The following HYDIN variants were observed in gnomAD, a reference collection of about 807,000 sequenced individuals.
HYDIN encodes axonemal central pair apparatus protein HYDIN.
A neutral mutation model predicts 403.9 loss-of-function variants in HYDIN; 132 were observed. The observed-to-expected ratio is 0.33, with a 90% CI of 0.28 to 0.38. The LOEUF is 0.38. Ranked by LOEUF, HYDIN falls within the 10% of genes least tolerant of loss-of-function variation. HYDIN has a pLI of 1.00. For synonymous variants in HYDIN, 1,202 were observed against 1,891.7 expected, an observed-to-expected ratio of 0.64 and a Z score of 9.46; for missense variants, 2,827 against 5,009.5, an observed-to-expected ratio of 0.56 and a Z score of 13.15.
At chr16:70,810,243 G>A (rs565296627) in intron 84 of HYDIN, among the ~76,000 whole-genome samples, 6 of 152,254 alleles carry the variant, frequency 3.9e-5, no homozygotes, top group African/African-American at 1.2e-4. Context: ...CTAAGTGCAG[G>A]TGCTGGACTG....
chr16:71,032,119 C>A (rs1356804531), intron 18 of HYDIN, among the ~76,000 whole-genome samples: 2 of 151,554 alleles, frequency 1.3e-5, no homozygotes, highest in Non-Finnish European at 2.9e-5. Flanking sequence ...AGCAAACCTA[C>A]GATTTTACTT....
intron 43 of HYDIN, among the ~76,000 whole-genome samples, chr16:70,939,321 C>A (rs7188072): frequency 0.014 from 2,103 of 152,300 alleles, 24 homozygotes; most frequent in African/African-American, 0.048. Flanking sequence ...AGTCATCAAG[C>A]CTCCAGCTGC....
intron 47 of HYDIN, among the ~76,000 whole-genome samples, chr16:70,914,089 T>TTTAAGTAA (rs2076770281): frequency 6.6e-6 from 1 of 151,798 alleles, no homozygotes; most frequent in South Asian, 2.1e-4. Context: ...TTCTGTATCT[T>TTTAAGTAA]TTAAGTAAAG....
Position 70,941,735 on chromosome 16 carries a change from G to A in HYDIN, c.6754C>T (p.Leu2252=), listed in dbSNP as rs750142916. The A allele has an allele frequency of 7.1e-5, 113 of 1,595,654 alleles. No individual in the cohort carries two copies. In the South Asian group the frequency reaches 1.2e-3, roughly 17 times the overall value. ...TGCTCCCGGCTGCCAATGGCCTTCA[G>A]CAGGCAGAGGAGGGCGGCTGCAGCA... ...QNAAAALLCL[L]KAIGSREHIY... is the part of the protein sequence containing the mutation. Residue 2252 remains leucine, a synonymous_variant, in exon 43 of 86, where the codon CTG becomes TTG. Coordinates refer to ENST00000393567, the MANE Select transcript of HYDIN (RefSeq NM_001270974.2).
chr16:71,137,699 A>C (rs1258054188), intron 7 of HYDIN, among the ~76,000 whole-genome samples: 1 of 152,156 alleles, frequency 6.6e-6, no homozygotes, highest in African/African-American at 2.4e-5. Context: ...TCTATGCCTC[A>C]TCTTTAGCTC....
intron 1 of HYDIN, among the ~76,000 whole-genome samples, chr16:71,216,072 T>C (rs1219859077): frequency 6.6e-6 from 1 of 152,130 alleles, no homozygotes; most frequent in African/African-American, 2.4e-5. Context: ...CATCATCTAG[T>C]AAACTTAAAG....
At chr16:70,809,723 T>G in intron 85 of HYDIN, 60 bp downstream of exon 85, 1 of 1,326,402 alleles carries the variant, frequency 7.5e-7, no homozygotes, top group Non-Finnish European at 1.1e-6. Context: ...CTCCTCTCAT[T>G]GTTTTTGAAC....
chr16:70,882,029 C>G (rs1440302054), intron 60 of HYDIN, among the ~76,000 whole-genome samples: 2 of 152,254 alleles, frequency 1.3e-5, no homozygotes, highest in Admixed American at 1.3e-4. Flanking sequence ...CCTGGCAGCC[C>G]CCTGAGATGG....
intron 23 of HYDIN, among the ~76,000 whole-genome samples, chr16:71,008,320 G>C (rs1229196308): frequency 2.0e-5 from 3 of 152,232 alleles, no homozygotes; most frequent in South Asian, 2.1e-4. Context: ...AAAACAAATG[G>C]GGTCTGGGAT....
At chr16:70,889,547 CT>C (rs71387544) in intron 58 of HYDIN, 39 bp downstream of exon 58, 26,598 of 463,996 alleles carry the variant, frequency 0.057, 898 homozygotes, top group Non-Finnish European at 0.069. Context: ...GGGAGTTGGC[CT>C]TACTGGGTAT....
rs1017576875 is a variant in HYDIN at position 71,230,559 on chromosome 16, G to C, written c.-24+3C>G. The C allele has an allele frequency of 1.7e-5, 26 of 1,533,676 alleles. 1 individual carries two copies. The East Asian group carries it at 6.4e-4, about 38-fold the overall frequency. ...CCCCACAATCTCTGCGAGGACCTCT[G>C]ACCTTGGTGCACTCCGGGTCCCACG... is the stretch of plus-strand genomic sequence containing the variant. On this transcript the variant is annotated splice_donor_region_variant and intron_variant, in intron 1 of 85. Transcript: ENST00000393567.
chr16:71,122,595 GAC>G, intron 9 of HYDIN, among the ~76,000 whole-genome samples: 1 of 78,444 alleles, frequency 1.3e-5, no homozygotes, highest in East Asian at 3.7e-4. Context: ...TAGCCATCTG[GAC>G]TTCCACCCAA....
chr16:70,922,785 CTTTTTTTTTTT>C (rs77860153), intron 45 of HYDIN, among the ~76,000 whole-genome samples: 1 of 110,196 alleles, frequency 9.1e-6, no homozygotes, highest in African/African-American at 3.4e-5. Context: ...CTTTTATAAC[CTTTTTTTTTTT>C]TTTTTTTTTT....
intron 17 of HYDIN, among the ~76,000 whole-genome samples, chr16:71,061,571 GAC>G (rs2082081144): frequency 6.6e-6 from 1 of 152,102 alleles, no homozygotes; most frequent in African/African-American, 2.4e-5. Flanking sequence ...CTTGGAGAGA[GAC>G]TATTTCTCTT....
Position 70,818,472 on chromosome 16 carries a change from G to A in HYDIN, c.14528C>T (p.Pro4843Leu), listed in dbSNP as rs1408284061. The A allele has an allele frequency of 1.3e-6, 2 of 1,526,622 alleles. No homozygotes were observed. Among genetic ancestry groups the A allele is most frequent in the South Asian group, 1.2e-5 (1 of 85,530 alleles). The allele number at this position is 1,526,622 out of a possible 1,614,324, so 94.6% of individuals were successfully genotyped here. ...GGAGGCTGACGCAACTTGCCGGACT[G>A]GGGTCACCATCTCGATGGTTTTGAT... ...GIIKTIEMVT[P>L]VRQVASASIK... is the part of the protein sequence containing the mutation. Residue 4843 changes from proline (P) to leucine (L), a missense_variant, in exon 84 of 86, where the codon CCA (proline) becomes CTA (leucine). Coordinates refer to ENST00000393567, the MANE Select transcript of HYDIN (RefSeq NM_001270974.2).
chr16:70,896,236 G>A (rs1188113948), intron 53 of HYDIN, among the ~76,000 whole-genome samples, 156 bp from the exon 54 acceptor site: 3 of 151,788 alleles, frequency 2.0e-5, no homozygotes, highest in Non-Finnish European at 4.4e-5. Context: ...TAGGATTTGT[G>A]CTCCTCTTAA....
intron 46 of HYDIN, among the ~76,000 whole-genome samples, chr16:70,918,677 C>G (rs2076911727): frequency 6.6e-6 from 1 of 151,924 alleles, no homozygotes; most frequent in Non-Finnish European, 1.5e-5. Context: ...GTTTTTCCAT[C>G]TATTTTCAGA....
At position 70,818,418 on chromosome 16, in the gene HYDIN, G is replaced by A. The variant is rs775704796; in HGVS notation, c.14582C>T (p.Ser4861Leu). Residue 4861 changes from serine to leucine, a missense_variant, in exon 84 of 86, where the codon TCG (serine) becomes TTG (leucine). Transcript: ENST00000393567. ...CCGGCATTCCGTGGAGAAGGTCACC[G>A]AGTAGGGCAGAGGGTTCTCCAACTT... ...SIKLENPLPY[S>L]VTFSTECRMP... The A allele has an allele frequency of 1.4e-5, 22 of 1,612,856 alleles. No individual in the cohort carries two copies. In the South Asian group the frequency reaches 1.5e-4, roughly 11 times the overall value.
At chr16:71,078,719 T>C (rs1461264876) in intron 13 of HYDIN, among the ~76,000 whole-genome samples, 2 of 152,178 alleles carry the variant, frequency 1.3e-5, no homozygotes, top group Non-Finnish European at 2.9e-5. Context: ...TTGCCTGGGC[T>C]GGTCTTGAAC....
Sources: gnomAD v4.1 joint callset for allele counts (sites outside exome capture counted in the v4.1 genomes callset) on GRCh38, gnomAD v4.1.1 for gene constraint, MANE v1.5 for transcripts, NCBI Gene and HGNC (gene_info 2026-07-23, HGNC 2026-07-21) for gene names.